Variants in CNGA3 observed in about 807,000 individuals in gnomAD.
CNGA3 encodes the protein cyclic nucleotide-gated channel alpha-3.
A neutral mutation model predicts 46.6 loss-of-function variants in CNGA3; 42 were observed. The observed-to-expected ratio is 0.90, with a 90% confidence interval of 0.70 to 1.17. The LOEUF is 1.17. CNGA3 is among the 50% of genes most tolerant of loss of function. The pLI is 0.00. For synonymous variants in CNGA3, 394 were observed against 369.4 expected (o/e 1.07, Z -0.76); for missense variants, 893 against 890.7 (o/e 1.00, Z -0.03).
In CNGA3 at chr2:98,397,840, G is replaced by C. The variant is rs905207987; in HGVS notation, c.*585G>C. The C allele has an allele frequency of 6.4e-6, 1 of 156,694 alleles. No individual in the cohort carries two copies. Among genetic ancestry groups the C allele is most frequent in the Non-Finnish European group, 1.4e-5 (1 of 70,572 alleles). The allele number at this position is 156,694 out of a possible 1,614,324, so 9.7% of individuals were successfully genotyped here. ...AAGTAGAAGTTCTGCCGGATGGAAA[G>C]AGGCTGCCCCATTTGAGGTCATTTA... On this transcript the variant is annotated 3_prime_UTR_variant, in exon 8 of 8. Transcript: ENST00000272602.
chr2:98,358,113 C>T (rs1477224587), intron 1 of CNGA3, among the ~76,000 whole-genome samples: 1 of 152,202 alleles, frequency 6.6e-6, no homozygotes, highest in East Asian at 1.9e-4. Flanking sequence ...ATTGTGGTTT[C>T]ATTATCTCAT....
chr2:98,358,838 C>A (rs971264326), intron 1 of CNGA3, among the ~76,000 whole-genome samples: 5 of 152,154 alleles, frequency 3.3e-5, no homozygotes, highest in African/African-American at 1.2e-4. Flanking sequence ...CATTGTTTTC[C>A]TGGATAAAGA....
chr2:98,367,167 G>GTTTATTTTCT lies in CNGA3; in HGVS notation c.-37-2769_-37-2768insATTTTCTTTT, dbSNP rs751611132. On this transcript the variant is annotated intron_variant, in intron 1 of 7. Transcript: ENST00000272602. The stretch of plus-strand genomic sequence containing the variant: ...TTGGTGAGAACCTCTGACATCAGCT[G>GTTTATTTTCT]TTTTTTTTCTTTTTTTTCTTTTTTT... Among the ~76,000 whole-genome samples the GTTTATTTTCT allele has an allele frequency of 5.8e-3, 591 of 101,534 alleles. 55 individuals carry two copies. The highest frequency in any genetic ancestry group is 9.2e-3 in the East Asian group (36 of 3,914). The allele number at this position is 101,534 out of a possible 152,430, so 66.6% of individuals were successfully genotyped here.
rs181911949 is a variant in CNGA3 at position 98,397,033 on chromosome 2, G to A, written c.1863G>A (p.Ala621=). Residue 621 remains alanine, a synonymous_variant, in exon 8 of 8, where the codon GCG becomes GCA. Coordinates refer to ENST00000272602, the MANE Select transcript of CNGA3 (RefSeq NM_001298.3). ...LIDEELARAG[A]DPKDLEEKVE... ...ATGAGGAGCTGGCCAGGGCGGGCGC[G>A]GACCCCAAGGACCTTGAGGAGAAAG... 716 of 1,613,962 alleles carry A rather than the reference G, an allele frequency of 4.4e-4. No individual in the cohort carries two copies. Among genetic ancestry groups the A allele is most frequent in the Non-Finnish European group, 5.4e-4 (634 of 1,179,960 alleles).
chr2:98,356,538 TAG>T (rs1691883607), intron 1 of CNGA3, among the ~76,000 whole-genome samples: 2 of 152,176 alleles, frequency 1.3e-5, no homozygotes, highest in African/African-American at 2.4e-5. Flanking sequence ...CCTGGCTGAA[TAG>T]AGTCTCCTCC....
chr2:98,387,371 C>T (rs1335355537), intron 5 of CNGA3, among the ~76,000 whole-genome samples: 1 of 152,204 alleles, frequency 6.6e-6, no homozygotes, highest in East Asian at 1.9e-4. Flanking sequence ...ATTTATCTCT[C>T]AACCATGCCT....
At chr2:98,382,374 C>T (rs139083415) in intron 4 of CNGA3, among the ~76,000 whole-genome samples, 26 of 152,320 alleles carry the variant, frequency 1.7e-4, no homozygotes, top group African/African-American at 5.5e-4. Context: ...CACAATCCCA[C>T]GGCGGTTCCA....
At chr2:98,359,869 C>T (rs1261598295) in intron 1 of CNGA3, among the ~76,000 whole-genome samples, 1 of 152,192 alleles carries the variant, frequency 6.6e-6, no homozygotes, top group Admixed American at 6.5e-5. Context: ...GGCTCTAGAA[C>T]CAGTTGAAAG....
intron 5 of CNGA3, among the ~76,000 whole-genome samples, chr2:98,388,581 AG>A: frequency 6.6e-6 from 1 of 152,284 alleles, no homozygotes; most frequent in Non-Finnish European, 1.5e-5. Context: ...CGGGAACTCA[AG>A]GGGGGCTTAT....
chr2:98,397,242 A>G lies in CNGA3; in HGVS notation c.2072A>G (p.Asp691Gly). ...EVPGDATKTE[D>G]KQQ ...CCCGGGGATGCTACAAAAACAGAGG[A>G]CAAACAACAGTGAAAATGCAGCATC... Residue 691 changes from aspartate (D) to glycine (G), a missense_variant, in exon 8 of 8, where the codon GAC becomes GGC. Coordinates refer to ENST00000272602, the MANE Select transcript of CNGA3 (RefSeq NM_001298.3). 6.2e-7 allele frequency: 1 copy of G among 1,613,716 alleles called. No individual in the cohort carries two copies. The highest frequency in any genetic ancestry group is 8.5e-7 in the Non-Finnish European group (1 of 1,180,006).
Position 98,396,974 on chromosome 2 carries a change from G to C in CNGA3, c.1804G>C (p.Gly602Arg). Residue 602 changes from glycine (G) to arginine (R), a missense_variant, in exon 8 of 8, where the codon GGA (glycine) becomes CGA (arginine). Gly to Arg is a moderately radical substitution (Grantham distance 125). Around this residue, in one of 3 missense-constraint regions of CNGA3, gnomAD observed 548 missense variants for 570.8 expected, o/e 0.96. Coordinates refer to ENST00000272602, the MANE Select transcript of CNGA3 (RefSeq NM_001298.3). ...PEAKKALEEK[G>R]RQILMKDNLI... ...AGCCAAGAAGGCCCTGGAGGAGAAAGGACGGCAGATCCTGATGAAAGACAA... is the reference window on the plus strand; with the variant it reads ...AGCCAAGAAGGCCCTGGAGGAGAAACGACGGCAGATCCTGATGAAAGACAA... The C allele has an allele frequency of 6.2e-7, 1 of 1,614,126 alleles. No individual in the cohort carries two copies. The highest frequency in any genetic ancestry group is 8.5e-7 in the Non-Finnish European group (1 of 1,179,998).
At chr2:98,378,860 G>A (rs1692473986) in intron 3 of CNGA3, among the ~76,000 whole-genome samples, 1 of 152,226 alleles carries the variant, frequency 6.6e-6, no homozygotes, top group South Asian at 2.1e-4. Flanking sequence ...TTCTCATGGA[G>A]TTTCATGGTC....
chr2:98,390,372 C>T (rs1335224013), intron 6 of CNGA3, among the ~76,000 whole-genome samples: 1 of 151,866 alleles, frequency 6.6e-6, no homozygotes, highest in Non-Finnish European at 1.5e-5. Context: ...TGGTCTTGAA[C>T]TCCTCACCTC....
intron 1 of CNGA3, among the ~76,000 whole-genome samples, chr2:98,349,509 T>C (rs1316454586): frequency 2.0e-5 from 3 of 152,218 alleles, no homozygotes; most frequent in Non-Finnish European, 2.9e-5. Flanking sequence ...TTTACACATT[T>C]ATTCATTCTA....
At chr2:98,390,102 G>A (rs2104230826) in intron 6 of CNGA3, among the ~76,000 whole-genome samples, 1 of 152,048 alleles carries the variant, frequency 6.6e-6, no homozygotes, top group East Asian at 1.9e-4. Flanking sequence ...TGAACATGCA[G>A]CAGGGTAGGG....
chr2:98,373,019 A>C (rs1298270176), intron 2 of CNGA3, among the ~76,000 whole-genome samples: 1 of 152,136 alleles, frequency 6.6e-6, no homozygotes, highest in Non-Finnish European at 1.5e-5. Context: ...TGAAAGAGCT[A>C]TGCTTTATCT....
Position 98,380,290 on chromosome 2 carries a change from T to C in CNGA3, c.331T>C (p.Ser111Pro), listed in dbSNP as rs745708829. The C allele has an allele frequency of 9.9e-6, 16 of 1,613,906 alleles. No individual in the cohort carries two copies. The highest frequency in any genetic ancestry group is 1.3e-5 in the Non-Finnish European group (15 of 1,179,966). The change falls in exon 4 of 8, where the codon TCC becomes CCC. Residue 111 changes from serine to proline, a missense_variant. Ser to Pro is a moderately conservative substitution (Grantham distance 74). This residue lies in a region of CNGA3 where 333 missense variants were observed against 290.8 expected (regional missense o/e 1.15). Transcript: ENST00000272602. Reference protein sequence around the residue: ...RFRGAELKEVSSQESNAQANV... With the variant: ...RFRGAELKEVPSQESNAQANV... ...CCGTGGAGCCGAGCTTAAGGAGGTG[T>C]CCAGCCAAGAAAGCAATGCCCAGGC...
intron 2 of CNGA3, chr2:98,377,449 C>T: frequency 2.0e-6 from 1 of 506,762 alleles, no homozygotes; most frequent in Non-Finnish European, 3.6e-6. Context: ...ACCTTCCCGT[C>T]CTTTCACCTA....
chr2:98,346,784 C>T (rs972779123), intron 1 of CNGA3, among the ~76,000 whole-genome samples: 1 of 152,132 alleles, frequency 6.6e-6, no homozygotes, highest in Non-Finnish European at 1.5e-5. Context: ...CCCCTCCAGT[C>T]CAGTTCAAAG....
Sources: allele counts gnomAD v4.1 joint callset (sites outside exome capture counted in the v4.1 genomes callset), GRCh38; gene constraint gnomAD v4.1.1; regional missense constraint gnomAD v4.1.1; transcripts MANE v1.5; gene names NCBI Gene and HGNC (gene_info 2026-07-23, HGNC 2026-07-21).